PLPPR1: variants seen among roughly 807,000 people sequenced by gnomAD.
PLPPR1 encodes phospholipid phosphatase related 1, also known as phospholipid phosphatase-related protein type 1.
A neutral mutation model predicts 33.1 loss-of-function variants in PLPPR1; 10 were observed. The ratio of observed to expected loss-of-function variants is 0.30; its 90% CI spans 0.19 to 0.51. The LOEUF (loss-of-function observed/expected upper bound fraction) is 0.51, where lower values mean the gene tolerates loss of function less well. Ranked by LOEUF, PLPPR1 falls within the 20% of genes least tolerant of loss-of-function variation. The probability of loss-of-function intolerance (pLI) is 0.97; values close to 1 mark genes in which losing one functional copy is unlikely to be tolerated. For synonymous variants in PLPPR1, 151 were observed against 151.0 expected, an observed-to-expected ratio of 1.00 and a Z score of 0.00; for missense variants, 304 against 408.1, an observed-to-expected ratio of 0.74 and a Z score of 2.20.
intron 2 of PLPPR1, among the ~76,000 whole-genome samples, chr9:101,204,137 C>G (rs546179102): frequency 1.3e-5 from 2 of 152,270 alleles, no homozygotes; most frequent in South Asian, 2.1e-4. Context: ...TTAACCTAAG[C>G]TTGGTCTCAT....
At chr9:101,093,313 C>T (rs1830772472) in intron 1 of PLPPR1, among the ~76,000 whole-genome samples, 1 of 152,166 alleles carries the variant, frequency 6.6e-6, no homozygotes, top group Non-Finnish European at 1.5e-5. Context: ...AATAGGCTGC[C>T]ACCAAGCCCA....
chr9:101,307,049 C>T (rs1377643790), intron 4 of PLPPR1, among the ~76,000 whole-genome samples: 2 of 152,196 alleles, frequency 1.3e-5, no homozygotes, highest in East Asian at 1.9e-4. Flanking sequence ...CAGGCTGATG[C>T]GGTACTTCCT....
chr9:101,239,465 A>G (rs1391125251), intron 2 of PLPPR1, among the ~76,000 whole-genome samples: 3 of 151,976 alleles, frequency 2.0e-5, no homozygotes, highest in South Asian at 2.1e-4. Context: ...GAATCATGCA[A>G]TATATCCAGG....
chr9:101,109,558 G>A (rs1420909086), intron 1 of PLPPR1, among the ~76,000 whole-genome samples: 1 of 152,138 alleles, frequency 6.6e-6, no homozygotes, highest in African/African-American at 2.4e-5. Flanking sequence ...TATTCAAAAT[G>A]TACTCACTGA....
At chr9:101,244,777 A>T (rs1827553921) in intron 2 of PLPPR1, among the ~76,000 whole-genome samples, 1 of 151,064 alleles carries the variant, frequency 6.6e-6, no homozygotes, top group South Asian at 2.2e-4. Flanking sequence ...GCCATAAAAT[A>T]AAAAGTTAAG....
chr9:101,091,264 A>C (rs1221499976), intron 1 of PLPPR1, among the ~76,000 whole-genome samples: 2 of 151,762 alleles, frequency 1.3e-5, no homozygotes, highest in Admixed American at 1.3e-4. Flanking sequence ...CCTCTCTCTC[A>C]CTGTGTTAAT....
intron 1 of PLPPR1, among the ~76,000 whole-genome samples, chr9:101,041,375 T>C (rs1466132607): frequency 6.6e-6 from 1 of 152,196 alleles, no homozygotes; most frequent in Non-Finnish European, 1.5e-5. Flanking sequence ...ATATAAAGAC[T>C]CATTTGTCTA....
At chr9:101,044,258 C>T (rs1021426583) in intron 1 of PLPPR1, among the ~76,000 whole-genome samples, 3 of 152,208 alleles carry the variant, frequency 2.0e-5, no homozygotes, top group Non-Finnish European at 4.4e-5. Context: ...TTTGTCTGCT[C>T]TCTTGCGTAT....
chr9:101,245,704 A>G (rs1224337407), intron 2 of PLPPR1, among the ~76,000 whole-genome samples: 1 of 151,904 alleles, frequency 6.6e-6, no homozygotes, highest in Non-Finnish European at 1.5e-5. Flanking sequence ...ACCACAAAAA[A>G]GTTACTTGTC....
intron 2 of PLPPR1, among the ~76,000 whole-genome samples, chr9:101,260,919 AAAG>A (rs1230368969): frequency 6.6e-6 from 1 of 152,208 alleles, no homozygotes; most frequent in African/African-American, 2.4e-5. Flanking sequence ...GATAGTTAAG[AAAG>A]AAGAATGGAG....
chr9:101,180,864 C>A (rs1397760615), intron 1 of PLPPR1, among the ~76,000 whole-genome samples: 1 of 151,728 alleles, frequency 6.6e-6, no homozygotes, highest in Non-Finnish European at 1.5e-5. Context: ...AAAGCACAAG[C>A]ACAAGCAAAA....
intron 2 of PLPPR1, among the ~76,000 whole-genome samples, chr9:101,239,754 A>C (rs909648914): frequency 1.3e-5 from 2 of 151,686 alleles, no homozygotes; most frequent in Non-Finnish European, 3.0e-5. Flanking sequence ...TTTTAATCAG[A>C]TTTTTATTGT....
At chr9:101,183,606 A>G (rs913308571) in intron 1 of PLPPR1, among the ~76,000 whole-genome samples, 3 of 151,596 alleles carry the variant, frequency 2.0e-5, no homozygotes, top group Non-Finnish European at 4.4e-5. Context: ...AATTTGGTAA[A>G]TTTATTTAAA....
Position 101,098,083 on chromosome 9 carries a change from G to T in PLPPR1, c.-46+68981G>T, listed in dbSNP as rs529061892. 3.9e-5 allele frequency among the ~76,000 whole-genome samples: 6 copies of T among 152,224 alleles called. No individual in the cohort carries two copies. In the South Asian group the frequency reaches 1.2e-3, roughly 32 times the overall value. ...AGCATCAATGCATAGATTTAAGCAA[G>T]GAAGTCATGTGATTGGTTTGTGTTC... On this transcript the variant is annotated intron_variant, in intron 1 of 7. Transcript: ENST00000374874.
intron 2 of PLPPR1, among the ~76,000 whole-genome samples, chr9:101,206,409 A>G (rs1172769070): frequency 6.6e-6 from 1 of 152,184 alleles, no homozygotes; most frequent in Non-Finnish European, 1.5e-5. Context: ...GCATAGTAAA[A>G]TGCCTGCTGT....
chr9:101,175,255 T>C (rs1279392752), intron 1 of PLPPR1, among the ~76,000 whole-genome samples: 1 of 152,138 alleles, frequency 6.6e-6, no homozygotes, highest in Non-Finnish European at 1.5e-5. Context: ...CATTATTATT[T>C]CATGGGCCCT....
At chr9:101,154,619 C>G (rs1831651018) in intron 1 of PLPPR1, among the ~76,000 whole-genome samples, 1 of 152,098 alleles carries the variant, frequency 6.6e-6, no homozygotes. Flanking sequence ...TGGGTATATA[C>G]TCAAAGGATT....
chr9:101,262,641 A>G (rs1460239813), intron 2 of PLPPR1, among the ~76,000 whole-genome samples: 2 of 152,208 alleles, frequency 1.3e-5, no homozygotes, highest in Non-Finnish European at 2.9e-5. Flanking sequence ...TGAGCCAGCA[A>G]TCCCATTACT....
intron 1 of PLPPR1, among the ~76,000 whole-genome samples, chr9:101,163,848 C>A (rs1825805058): frequency 6.6e-6 from 1 of 152,012 alleles, no homozygotes; most frequent in Non-Finnish European, 1.5e-5. Flanking sequence ...ATATCAAATC[C>A]CTGGAATAAT....
Sources: gnomAD v4.1 joint callset for allele counts (sites outside exome capture counted in the v4.1 genomes callset) on GRCh38, gnomAD v4.1.1 for gene constraint, MANE v1.5 for transcripts, NCBI Gene and HGNC (gene_info 2026-07-23, HGNC 2026-07-21) for gene names.